Variants in MAL2 observed in about 807,000 individuals in gnomAD.
MAL2 encodes protein MAL2.
A neutral mutation model predicts 18.1 loss-of-function variants in MAL2; 17 were observed. The observed-to-expected ratio is 0.94, with a 90% CI of 0.64 to 1.41. MAL2 has a LOEUF of 1.41. Among genes scored for constraint, MAL2 ranks in the 40% most tolerant of loss-of-function variants. The probability of loss-of-function intolerance (pLI) is 0.00; values close to 1 mark genes in which losing one functional copy is unlikely to be tolerated. For synonymous variants in MAL2, 102 were observed against 102.3 expected (o/e 1.00, Z 0.02); for missense variants, 222 against 231.9 (o/e 0.96, Z 0.28).
chr8:119,212,623 A>G (rs368188551), intron 1 of MAL2, among the ~76,000 whole-genome samples: 2 of 152,238 alleles, frequency 1.3e-5, no homozygotes, highest in African/African-American at 2.4e-5. Flanking sequence ...ACAGCAGGAT[A>G]GAGTACATCT....
intron 1 of MAL2, among the ~76,000 whole-genome samples, chr8:119,209,502 G>T (rs1417953491): frequency 2.0e-5 from 3 of 152,110 alleles, no homozygotes; most frequent in Non-Finnish European, 4.4e-5. Flanking sequence ...ATATAAATTG[G>T]GCAACCTGAG....
chr8:119,236,379 GATCA>G (rs1396150144), intron 2 of MAL2, among the ~76,000 whole-genome samples: 1 of 151,364 alleles, frequency 6.6e-6, no homozygotes, highest in African/African-American at 2.5e-5. Flanking sequence ...ACATTAGAGA[GATCA>G]ATGAGATAGA....
chr8:119,208,729 T>C lies in MAL2; in HGVS notation c.132+125T>C. 1 of 1,208,166 alleles carries C rather than the reference T, an allele frequency of 8.3e-7. No individual in the cohort carries two copies. The highest frequency in any genetic ancestry group is 1.0e-6 in the Non-Finnish European group (1 of 971,296). 74.8% of individuals were successfully genotyped at this position (1,208,166 alleles called of 1,614,324 possible). A position where few individuals can be genotyped will look rare whatever the true frequency, so the allele number is the denominator to read the frequency against. The stretch of plus-strand genomic sequence containing the variant: ...CCTTCCCTTCGACGTGGCTTTGTCC[T>C]GCGCTCCCTCCCGGGGTCCTCTCGG... On this transcript the variant is annotated intron_variant, in intron 1 of 3. Transcript: ENST00000614891. This position sits in a 1 kb window ranked among gnomAD's most constrained non-coding sequence, Gnocchi z 4.3.
chr8:119,243,356 G>A, intron 3 of MAL2, 61 bp from the exon 4 acceptor site: 1 of 1,315,658 alleles, frequency 7.6e-7, no homozygotes, highest in Non-Finnish European at 1.1e-6. Context: ...TTGTTCTTTA[G>A]GACACTGTTT....
rs1817229704 is a variant in MAL2, at chr8:119,209,000, AT to A, written c.132+400del. The A allele has an allele frequency of 6.4e-6, 1 of 157,210 alleles. No homozygotes were observed. Among genetic ancestry groups the A allele is most frequent in the African/African-American group, 2.4e-5 (1 of 41,676 alleles). The allele number at this position is 157,210 out of a possible 1,614,324, so 9.7% of individuals were successfully genotyped here. On this transcript the variant is annotated intron_variant, in intron 1 of 3. Transcript: ENST00000614891. This position sits in a 1 kb window ranked among gnomAD's most constrained non-coding sequence, Gnocchi z 4.3. ...CGGCCTCGCCTGTTGCTAACCTGCCATTTTGTTGGGTGGTGCAAAGGTGTAG... is the reference window on the plus strand; with the variant it reads ...CGGCCTCGCCTGTTGCTAACCTGCCATTTGTTGGGTGGTGCAAAGGTGTAG...
At chr8:119,234,152 G>T (rs569453238) in intron 2 of MAL2, among the ~76,000 whole-genome samples, 16 of 152,222 alleles carry the variant, frequency 1.1e-4, no homozygotes, top group Non-Finnish European at 1.6e-4. Flanking sequence ...CTTGGGAAGC[G>T]CAAGGGGTCA....
At chr8:119,229,446 G>A (rs1817667357) in intron 2 of MAL2, among the ~76,000 whole-genome samples, 1 of 151,790 alleles carries the variant, frequency 6.6e-6, no homozygotes, top group African/African-American at 2.4e-5. Flanking sequence ...CCGAGTAACT[G>A]GGATTACAGG....
chr8:119,229,018 C>T (rs1218951478), intron 2 of MAL2, among the ~76,000 whole-genome samples: 7 of 152,140 alleles, frequency 4.6e-5, no homozygotes, highest in Non-Finnish European at 8.8e-5. Flanking sequence ...CTTTCCATGG[C>T]CACTTTCTCT....
chr8:119,231,538 A>G (rs1167219390), intron 2 of MAL2, among the ~76,000 whole-genome samples: 1 of 152,174 alleles, frequency 6.6e-6, no homozygotes, highest in African/African-American at 2.4e-5. Context: ...AACAGTGTGG[A>G]AGTTCCTCAA....
At chr8:119,225,039 C>A (rs1387033409) in intron 2 of MAL2, among the ~76,000 whole-genome samples, 1 of 151,992 alleles carries the variant, frequency 6.6e-6, no homozygotes, top group Non-Finnish European at 1.5e-5. Context: ...AAACGAGGAT[C>A]CCCCTATAGA....
intron 2 of MAL2, among the ~76,000 whole-genome samples, chr8:119,228,950 A>G (rs1817651939): frequency 6.6e-6 from 1 of 152,124 alleles, no homozygotes; most frequent in Non-Finnish European, 1.5e-5. Context: ...GCAGTTCAAC[A>G]TTCAGAGGAA....
intron 3 of MAL2, 82 bp downstream of exon 3, chr8:119,240,402 AAT>A: frequency 7.0e-7 from 1 of 1,421,202 alleles, no homozygotes; most frequent in East Asian, 2.4e-5. Flanking sequence ...CTCAGGCAAC[AAT>A]AGTTTTCTTC....
intron 2 of MAL2, among the ~76,000 whole-genome samples, chr8:119,226,408 CCTTT>C (rs1817596486): frequency 3.4e-5 from 5 of 148,734 alleles, no homozygotes; most frequent in Admixed American, 2.1e-4. Flanking sequence ...CCTTTCCCCC[CCTTT>C]TTTTTTTTAA....
chr8:119,234,101 C>T (rs1014420525), intron 2 of MAL2, among the ~76,000 whole-genome samples: 18 of 152,108 alleles, frequency 1.2e-4, no homozygotes, highest in Admixed American at 2.6e-4. Context: ...AGTGGGTGCG[C>T]GCACCGTGCG....
intron 2 of MAL2, among the ~76,000 whole-genome samples, chr8:119,229,335 CAG>C (rs750628509): frequency 1.5e-5 from 2 of 132,206 alleles, no homozygotes; most frequent in Non-Finnish European, 3.1e-5. Flanking sequence ...TTTTTTGAGA[CAG>C]AGTCTTGCTC....
rs964039297 is a variant in MAL2, at chr8:119,244,888, C to T, written c.*1400C>T. ...AGTAAGAGTGAGGCCACAGTTCCCA[C>T]CACACGAGGGCTTTTGTATTGTTCT... On this transcript the variant is annotated 3_prime_UTR_variant, in exon 4 of 4. Coordinates refer to ENST00000614891, the MANE Select transcript of MAL2 (RefSeq NM_052886.3). 1 of 152,574 alleles carries T rather than the reference C, an allele frequency of 6.6e-6. No individual in the cohort carries two copies. The allele number at this position is 152,574 out of a possible 1,614,324, so 9.5% of individuals were successfully genotyped here. A position where few individuals can be genotyped will look rare whatever the true frequency, so the allele number is the denominator to read the frequency against.
intron 2 of MAL2, chr8:119,224,415 A>G (rs1817538475): frequency 1.3e-5 from 2 of 152,206 alleles, no homozygotes; most frequent in South Asian, 2.1e-4. Context: ...GATACATTTT[A>G]GAAAAATAGA....
intron 2 of MAL2, among the ~76,000 whole-genome samples, chr8:119,222,470 T>C (rs1023308993): frequency 6.7e-5 from 10 of 148,284 alleles, no homozygotes; most frequent in African/African-American, 2.2e-4. Context: ...GCAGTGAGCC[T>C]AGATTGTGCC....
chr8:119,233,468 G>T (rs2129876201), intron 2 of MAL2, among the ~76,000 whole-genome samples: 1 of 152,192 alleles, frequency 6.6e-6, no homozygotes, highest in African/African-American at 2.4e-5. Context: ...GAATCAAATA[G>T]ACGCAATAAA....
Sources: allele counts gnomAD v4.1 joint callset (sites outside exome capture counted in the v4.1 genomes callset), GRCh38; gene constraint gnomAD v4.1.1; non-coding constraint Gnocchi (gnomAD v3.1); transcripts MANE v1.5; gene names NCBI Gene and HGNC (gene_info 2026-07-23, HGNC 2026-07-21).